The following FAM107B variants were observed in gnomAD, a reference collection of about 807,000 sequenced individuals.
The protein encoded by FAM107B is family with sequence similarity 107 member B, also known as protein FAM107B.
In FAM107B, 21 loss-of-function variants were observed where a neutral mutation model predicts 31.5. The ratio of observed to expected loss-of-function variants is 0.67; its 90% confidence interval spans 0.47 to 0.96. The LOEUF is 0.96. Among genes scored for constraint, FAM107B ranks in the 40% least tolerant of loss-of-function variants. FAM107B has a pLI of 0.00. For synonymous variants in FAM107B, 157 were observed against 141.5 expected, an observed-to-expected ratio of 1.11 and a Z score of -0.78; for missense variants, 452 against 377.1, an observed-to-expected ratio of 1.20 and a Z score of -1.64.
intron 2 of FAM107B, among the ~76,000 whole-genome samples, chr10:14,558,192 C>T (rs1470302120): frequency 7.4e-6 from 1 of 135,658 alleles, no homozygotes; most frequent in Non-Finnish European, 1.7e-5. Context: ...TGTGTGTGCA[C>T]ACACTCACGT....
intron 2 of FAM107B, among the ~76,000 whole-genome samples, chr10:14,548,838 A>ACACACACACGCACACACG (rs60206579): frequency 6.6e-6 from 1 of 151,298 alleles, no homozygotes; most frequent in Non-Finnish European, 1.5e-5. Flanking sequence ...ACACACACGC[A>ACACACACACGCACACACG]CACACACACC....
chr10:14,521,326 G>A lies in FAM107B; in HGVS notation c.805-20C>T. The A allele has an allele frequency of 6.3e-7, 1 of 1,599,560 alleles. No individual in the cohort carries two copies. Among genetic ancestry groups the A allele is most frequent in the East Asian group, 2.2e-5 (1 of 44,766 alleles). ...TTCAAGCTAAATGACATTCAGAAAA[G>A]GAAAAATTATTTACAAACCAAGCAG... is the stretch of plus-strand genomic sequence containing the variant. On this transcript the variant is annotated intron_variant, in intron 4 of 4. Transcript: ENST00000181796.
chr10:14,678,689 T>C (rs2131491159), intron 1 of FAM107B, among the ~76,000 whole-genome samples: 1 of 152,210 alleles, frequency 6.6e-6, no homozygotes, highest in Middle Eastern at 3.4e-3. Context: ...ACATGCACGA[T>C]AAATAGGAAA....
chr10:14,606,558 CTGT>C, intron 2 of FAM107B, among the ~76,000 whole-genome samples: 1 of 152,136 alleles, frequency 6.6e-6, no homozygotes, highest in Non-Finnish European at 1.5e-5. Flanking sequence ...TCCAATGTGA[CTGT>C]ATTTGGAGAC....
chr10:14,553,952 G>C (rs555410558), intron 2 of FAM107B, among the ~76,000 whole-genome samples: 1 of 152,104 alleles, frequency 6.6e-6, no homozygotes, highest in African/African-American at 2.4e-5. Flanking sequence ...GTTTTAAAGC[G>C]GTTCAGGGGG....
At chr10:14,735,461 G>A (rs897125395) in intron 1 of FAM107B, among the ~76,000 whole-genome samples, 3 of 152,108 alleles carry the variant, frequency 2.0e-5, no homozygotes, top group African/African-American at 4.8e-5. Flanking sequence ...GTCAATTGGT[G>A]GCCTCCAAGA....
Position 14,594,964 on chromosome 10 carries a change from C to A in FAM107B, c.470-64449G>T, listed in dbSNP as rs570660514. Among the ~76,000 whole-genome samples the A allele has an allele frequency of 2.0e-5, 3 of 152,208 alleles. No individual in the cohort carries two copies. The East Asian group carries it at 5.8e-4, about 29-fold the overall frequency. ...GTTCCTTAAAAGCAGATGTCTTAGG[C>A]AACAATGGATGGACTTCAGAAACAC... On this transcript the variant is annotated intron_variant, in intron 2 of 4. Transcript: ENST00000181796.
At chr10:14,672,245 T>C (rs550569789) in intron 1 of FAM107B, among the ~76,000 whole-genome samples, 1 of 152,216 alleles carries the variant, frequency 6.6e-6, no homozygotes, top group East Asian at 1.9e-4. Flanking sequence ...CCTGCCACCA[T>C]GCCCAGCTAA....
intron 2 of FAM107B, among the ~76,000 whole-genome samples, chr10:14,651,160 T>C (rs776232852): frequency 6.6e-6 from 1 of 152,244 alleles, no homozygotes; most frequent in Non-Finnish European, 1.5e-5. Context: ...CTTTAGCTAG[T>C]ATATCATTGG....
chr10:14,574,316 C>CA (rs1229785092), intron 2 of FAM107B, among the ~76,000 whole-genome samples: 2 of 152,172 alleles, frequency 1.3e-5, no homozygotes, highest in African/African-American at 4.8e-5. Context: ...ATAATCTATC[C>CA]AATATCTCAA....
At chr10:14,598,725 T>C (rs1852268165) in intron 2 of FAM107B, among the ~76,000 whole-genome samples, 1 of 152,236 alleles carries the variant, frequency 6.6e-6, no homozygotes, top group African/African-American at 2.4e-5. Flanking sequence ...AGTAACATTT[T>C]GTAAAGAACA....
chr10:14,688,067 A>G (rs562759954), intron 1 of FAM107B, among the ~76,000 whole-genome samples: 140 of 152,372 alleles, frequency 9.2e-4, no homozygotes, highest in Non-Finnish European at 1.7e-3. Flanking sequence ...CTGCCAGCAC[A>G]GCTAGAAGAA....
chr10:14,684,053 G>C (rs921997270), intron 1 of FAM107B, among the ~76,000 whole-genome samples: 1 of 152,204 alleles, frequency 6.6e-6, no homozygotes, highest in African/African-American at 2.4e-5. Context: ...GATCAAGGCA[G>C]TGTTAGACTT....
chr10:14,695,370 A>C (rs1277496757), intron 1 of FAM107B, among the ~76,000 whole-genome samples: 1 of 152,180 alleles, frequency 6.6e-6, no homozygotes, highest in Non-Finnish European at 1.5e-5. Context: ...GTCTATGTTT[A>C]TGCCATTACC....
chr10:14,721,899 T>C (rs1176664702), intron 1 of FAM107B, among the ~76,000 whole-genome samples: 2 of 152,218 alleles, frequency 1.3e-5, no homozygotes, highest in Admixed American at 6.5e-5. Flanking sequence ...CTTTTGGTGT[T>C]TTAGACATGA....
chr10:14,720,029 A>T (rs995650010), intron 1 of FAM107B, among the ~76,000 whole-genome samples: 1 of 147,014 alleles, frequency 6.8e-6, no homozygotes, highest in African/African-American at 2.4e-5. Context: ...AGAAGGAAAG[A>T]GATCTGGGCC....
chr10:14,754,092 C>A (rs1361772045), intron 1 of FAM107B, among the ~76,000 whole-genome samples: 2 of 152,100 alleles, frequency 1.3e-5, no homozygotes, highest in Non-Finnish European at 2.9e-5. Context: ...GCATGTGCCA[C>A]CATGCCTGGC....
intron 4 of FAM107B, among the ~76,000 whole-genome samples, chr10:14,521,533 A>C (rs1845635605): frequency 6.6e-6 from 1 of 152,222 alleles, no homozygotes; most frequent in Non-Finnish European, 1.5e-5. Context: ...CAAGAATTGA[A>C]AAGACAGGGC....
intron 1 of FAM107B, among the ~76,000 whole-genome samples, chr10:14,684,978 G>A (rs1050718591): frequency 1.3e-5 from 2 of 151,698 alleles, no homozygotes; most frequent in Non-Finnish European, 2.9e-5. Flanking sequence ...GCACTACTAT[G>A]CCTGGCTAAT....
Sources: allele counts gnomAD v4.1 joint callset (sites outside exome capture counted in the v4.1 genomes callset), GRCh38; gene constraint gnomAD v4.1.1; transcripts MANE v1.5; gene names NCBI Gene and HGNC (gene_info 2026-07-23, HGNC 2026-07-21).